ILRUN: variants seen among roughly 807,000 people sequenced by gnomAD.
ILRUN encodes the protein inflammation and lipid regulator with UBA-like and NBR1-like domains.
ILRUN carries 3 observed loss-of-function variants against 33.8 expected under a neutral mutation model. That is an observed-to-expected ratio of 0.09 (90% CI 0.04 to 0.23). The LOEUF is 0.23. Ranked by LOEUF, ILRUN falls within the 10% of genes least tolerant of loss-of-function variation. ILRUN has a pLI of 1.00. For missense variants in ILRUN, 210 were observed against 375.1 expected, an observed-to-expected ratio of 0.56 and a Z score of 3.64; for synonymous variants, 124 against 138.9, an observed-to-expected ratio of 0.89 and a Z score of 0.75.
At chr6:34,641,613 T>A (rs1468207986) in intron 3 of ILRUN, among the ~76,000 whole-genome samples, 1 of 152,150 alleles carries the variant, frequency 6.6e-6, no homozygotes, top group Non-Finnish European at 1.5e-5. Flanking sequence ...TATATACTTC[T>A]GTCAAGGAAA....
intron 1 of ILRUN, among the ~76,000 whole-genome samples, chr6:34,690,660 G>A (rs986607645): frequency 6.6e-6 from 1 of 151,926 alleles, no homozygotes; most frequent in African/African-American, 2.4e-5. Flanking sequence ...TTACATAGTT[G>A]AAAACTTTTA....
intron 3 of ILRUN, among the ~76,000 whole-genome samples, chr6:34,633,606 T>G (rs1762290085): frequency 6.6e-6 from 1 of 151,808 alleles, no homozygotes; most frequent in Non-Finnish European, 1.5e-5. Context: ...ATCCCAGCAC[T>G]TTGGGAGGCC....
intron 3 of ILRUN, among the ~76,000 whole-genome samples, chr6:34,612,168 C>G (rs1045811464): frequency 1.3e-5 from 2 of 152,192 alleles, no homozygotes; most frequent in African/African-American, 4.8e-5. Flanking sequence ...AATCCCAGCA[C>G]TTTGGGAAGC....
At chr6:34,683,445 T>TATAC (rs1562032929) in intron 1 of ILRUN, among the ~76,000 whole-genome samples, 14 of 108,454 alleles carry the variant, frequency 1.3e-4, no homozygotes, top group African/African-American at 4.6e-4. Context: ...TATATACATA[T>TATAC]ATATATACAT....
At chr6:34,680,821 C>G (rs907559542) in intron 1 of ILRUN, among the ~76,000 whole-genome samples, 1 of 150,098 alleles carries the variant, frequency 6.7e-6, no homozygotes, top group African/African-American at 2.5e-5. Flanking sequence ...TTCTTCAGAG[C>G]AGGAGTGAAA....
At position 34,587,315 on chromosome 6, in the gene ILRUN, C is replaced by A. The variant is rs1761211905; in HGVS notation, c.*3250G>T. On this transcript the variant is annotated 3_prime_UTR_variant, in exon 5 of 5. Transcript: ENST00000374023. ...TTTTTGGTGTGTGTGTTAATTTAAT[C>A]ATACAAATATTCATTTATACAATAA... is the stretch of plus-strand genomic sequence containing the variant. The A allele has an allele frequency of 6.6e-6, 1 of 152,610 alleles. No homozygotes were observed. The highest frequency in any genetic ancestry group is 1.5e-5 in the Non-Finnish European group (1 of 68,042). 9.5% of individuals were successfully genotyped at this position (152,610 alleles called of 1,614,324 possible). A position where few individuals can be genotyped will look rare whatever the true frequency, so the allele number is the denominator to read the frequency against.
intron 1 of ILRUN, among the ~76,000 whole-genome samples, chr6:34,666,234 G>C (rs79093531): frequency 0.062 from 9,440 of 152,232 alleles, 503 homozygotes; most frequent in East Asian, 0.32. Flanking sequence ...GGACATATTT[G>C]GCTGCTTTCT....
intron 2 of ILRUN, among the ~76,000 whole-genome samples, chr6:34,650,747 G>A (rs937843006): frequency 3.9e-5 from 6 of 151,998 alleles, no homozygotes; most frequent in Non-Finnish European, 7.4e-5. Flanking sequence ...TATCTACCAC[G>A]CCTGGCCAGG....
intron 1 of ILRUN, among the ~76,000 whole-genome samples, chr6:34,688,935 T>C (rs991845402): frequency 6.6e-6 from 1 of 152,152 alleles, no homozygotes; most frequent in Admixed American, 6.6e-5. Flanking sequence ...CACTCCAGCC[T>C]GGGCAACAAA....
intron 3 of ILRUN, among the ~76,000 whole-genome samples, chr6:34,609,289 G>C (rs1308252078): frequency 6.6e-6 from 1 of 152,152 alleles, no homozygotes; most frequent in Non-Finnish European, 1.5e-5. Flanking sequence ...AGGAGTTCGA[G>C]ACTAGCCTGG....
intron 1 of ILRUN, among the ~76,000 whole-genome samples, chr6:34,684,372 C>T (rs1763471205): frequency 6.6e-6 from 1 of 152,172 alleles, no homozygotes; most frequent in Non-Finnish European, 1.5e-5. Flanking sequence ...AATGGAAACA[C>T]AATGGCAATG....
At chr6:34,652,070 G>A (rs568330335) in intron 2 of ILRUN, among the ~76,000 whole-genome samples, 2 of 152,188 alleles carry the variant, frequency 1.3e-5, no homozygotes, top group African/African-American at 4.8e-5. Context: ...GGGATTACAG[G>A]TGTGAGCCAC....
intron 3 of ILRUN, among the ~76,000 whole-genome samples, chr6:34,613,027 T>C (rs1415872645): frequency 6.8e-6 from 1 of 147,702 alleles, no homozygotes; most frequent in Non-Finnish European, 1.5e-5. Flanking sequence ...TGGGCAACAG[T>C]GCGAGACTCC....
At chr6:34,633,309 T>C (rs750557718) in intron 3 of ILRUN, among the ~76,000 whole-genome samples, 2 of 152,114 alleles carry the variant, frequency 1.3e-5, no homozygotes, top group Non-Finnish European at 2.9e-5. Context: ...AGAAAAAAAG[T>C]AACAACACAA....
intron 3 of ILRUN, among the ~76,000 whole-genome samples, chr6:34,640,208 AG>A (rs1193578521): frequency 6.6e-6 from 1 of 152,010 alleles, no homozygotes; most frequent in African/African-American, 2.4e-5. Flanking sequence ...TAGTGGGAGG[AG>A]GCCAGAGGTC....
chr6:34,588,276 C>A lies in ILRUN; in HGVS notation c.*2289G>T, dbSNP rs1345604064. Reference sequence around the variant, plus strand: ...ACATTTAACTTGCCAAGTGTGGTTGCCTAGAAGCAAGAGGAAGAGCAAGAC... The same window carrying A: ...ACATTTAACTTGCCAAGTGTGGTTGACTAGAAGCAAGAGGAAGAGCAAGAC... On this transcript the variant is annotated 3_prime_UTR_variant, in exon 5 of 5. Transcript: ENST00000374023. The A allele has an allele frequency of 2.5e-6, 1 of 398,514 alleles. No homozygotes were observed. The highest frequency in any genetic ancestry group is 4.4e-6 in the Non-Finnish European group (1 of 226,102). The allele number at this position is 398,514 out of a possible 1,614,324, so 24.7% of individuals were successfully genotyped here. A position where few individuals can be genotyped will look rare whatever the true frequency, so the allele number is the denominator to read the frequency against.
chr6:34,588,406 G>A lies in ILRUN; in HGVS notation c.*2159C>T. 1 of 396,216 alleles carries A rather than the reference G, an allele frequency of 2.5e-6. No homozygotes were observed. Among genetic ancestry groups the A allele is most frequent in the South Asian group, 1.4e-4 (1 of 7,010 alleles). 24.5% of individuals were successfully genotyped at this position (396,216 alleles called of 1,614,324 possible). ...GCAGAAGAGGAAGTCAGGAAAGCAG[G>A]GGTTGTGAAGCCTCCCACAATCCTG... is the stretch of plus-strand genomic sequence containing the variant. On this transcript the variant is annotated 3_prime_UTR_variant, in exon 5 of 5. Coordinates refer to ENST00000374023, the MANE Select transcript of ILRUN (RefSeq NM_024294.4).
intron 1 of ILRUN, among the ~76,000 whole-genome samples, chr6:34,657,172 C>T (rs1459719721): frequency 6.6e-6 from 1 of 152,206 alleles, no homozygotes; most frequent in East Asian, 1.9e-4. Flanking sequence ...TGTATGTCTA[C>T]CGTTTTGAAA....
At chr6:34,641,289 A>G (rs1014766633) in intron 3 of ILRUN, among the ~76,000 whole-genome samples, 1 of 152,160 alleles carries the variant, frequency 6.6e-6, no homozygotes, top group Non-Finnish European at 1.5e-5. Flanking sequence ...GAGTGAGCCA[A>G]TCATGGTTAT....
Sources: gnomAD v4.1 joint callset for allele counts (sites outside exome capture counted in the v4.1 genomes callset) on GRCh38, gnomAD v4.1.1 for gene constraint, MANE v1.5 for transcripts, NCBI Gene and HGNC (gene_info 2026-07-23, HGNC 2026-07-21) for gene names.